P3H2: variants seen among roughly 807,000 people sequenced by gnomAD.
P3H2 encodes the protein prolyl 3-hydroxylase 2, also known as leprecan-like 1.
In P3H2, 80 loss-of-function variants were observed where a neutral mutation model predicts 87.0. The ratio of observed to expected loss-of-function variants is 0.92; its 90% CI spans 0.77 to 1.11. The LOEUF is 1.11. Ranked by LOEUF, P3H2 falls within the 50% of genes least tolerant of loss-of-function variation. P3H2 has a pLI of 0.00. For missense variants in P3H2, 1,001 were observed against 923.9 expected, an observed-to-expected ratio of 1.08 and a Z score of -1.08; for synonymous variants, 367 against 359.3, an observed-to-expected ratio of 1.02 and a Z score of -0.24.
chr3:190,016,714 T>C (rs530595296), intron 1 of P3H2, among the ~76,000 whole-genome samples: 2 of 152,340 alleles, frequency 1.3e-5, no homozygotes, highest in Admixed American at 1.3e-4. Context: ...ACTGAAAAGT[T>C]CTTAAGAGTC....
chr3:190,080,234 T>C (rs190897087), intron 1 of P3H2, among the ~76,000 whole-genome samples: 160 of 151,872 alleles, frequency 1.1e-3, no homozygotes, highest in African/African-American at 3.7e-3. Flanking sequence ...TTGATTGGAG[T>C]TGGATAACAA....
intron 1 of P3H2, among the ~76,000 whole-genome samples, chr3:190,014,108 T>C (rs1017291740): frequency 5.3e-5 from 8 of 152,216 alleles, no homozygotes; most frequent in Non-Finnish European, 1.2e-4. Flanking sequence ...TAGGGAATGA[T>C]TCATGAAGAA....
intron 1 of P3H2, among the ~76,000 whole-genome samples, chr3:190,107,277 T>C (rs1220426405): frequency 6.6e-6 from 1 of 152,226 alleles, no homozygotes; most frequent in East Asian, 1.9e-4. Flanking sequence ...TTATACCTAT[T>C]GAGGTAAAAA....
chr3:190,053,589 C>G (rs1057093239), intron 1 of P3H2, among the ~76,000 whole-genome samples: 1 of 151,782 alleles, frequency 6.6e-6, no homozygotes, highest in African/African-American at 2.4e-5. Flanking sequence ...TCCTTAGTAG[C>G]TGGGATTACA....
intron 1 of P3H2, among the ~76,000 whole-genome samples, chr3:190,049,393 T>C (rs1252048437): frequency 6.6e-6 from 1 of 152,128 alleles, no homozygotes; most frequent in Admixed American, 6.5e-5. Flanking sequence ...TGTACCACTT[T>C]CAAGAAATTG....
intron 8 of P3H2, among the ~76,000 whole-genome samples, chr3:189,977,554 A>ATAAGCTGC (rs1481186385): frequency 2.0e-5 from 3 of 152,206 alleles, no homozygotes; most frequent in African/African-American, 2.4e-5. Flanking sequence ...GGATATTTTC[A>ATAAGCTGC]TAAGCTGCTA....
chr3:190,007,965 C>CACACACATATATATATATAT lies in P3H2; in HGVS notation c.481-12524_481-12523insATATATATATATATGTGTGT. Among the ~76,000 whole-genome samples, 37 of 94,334 alleles carry CACACACATATATATATATAT rather than the reference C, an allele frequency of 3.9e-4. 1 individual carries two copies. In the South Asian group the frequency reaches 7.4e-3, roughly 19 times the overall value. The allele number at this position is 94,334 out of a possible 152,430, so 61.9% of individuals were successfully genotyped here. On this transcript the variant is annotated intron_variant, in intron 1 of 14. Transcript: ENST00000319332. ...GCCTGAGACTCTATTTGTTGACACA[C>CACACACATATATATATATAT]ATATATATATATATATATATAGTAA...
At chr3:189,990,888 G>A (rs895234933) in intron 3 of P3H2, among the ~76,000 whole-genome samples, 2 of 152,106 alleles carry the variant, frequency 1.3e-5, no homozygotes, top group Non-Finnish European at 2.9e-5. Flanking sequence ...TCCAGCTACC[G>A]ACATGCTGTG....
chr3:190,008,986 G>T (rs964413196), intron 1 of P3H2, among the ~76,000 whole-genome samples: 4 of 152,112 alleles, frequency 2.6e-5, no homozygotes, highest in Admixed American at 2.6e-4. Context: ...CTGAATAGAT[G>T]GATCTGAAAA....
chr3:190,105,501 CTAGTT>C (rs2108518823), intron 1 of P3H2, among the ~76,000 whole-genome samples: 1 of 152,142 alleles, frequency 6.6e-6, no homozygotes, highest in South Asian at 2.1e-4. Flanking sequence ...TGAACATTGC[CTAGTT>C]TATTCTGTCC....
chr3:190,074,560 A>T (rs1179975486), intron 1 of P3H2, among the ~76,000 whole-genome samples: 1 of 152,114 alleles, frequency 6.6e-6, no homozygotes, highest in African/African-American at 2.4e-5. Flanking sequence ...GTACAATTTC[A>T]CACCAAAAGC....
chr3:190,005,708 G>A (rs710574), intron 1 of P3H2, among the ~76,000 whole-genome samples: 118,311 of 152,148 alleles, frequency 0.78, 46,190 homozygotes, highest in East Asian at 0.93. Flanking sequence ...TACTTCAAAA[G>A]TTATTTCCAA....
At chr3:190,099,705 G>GA (rs1164296345) in intron 1 of P3H2, among the ~76,000 whole-genome samples, 6 of 152,238 alleles carry the variant, frequency 3.9e-5, no homozygotes, top group East Asian at 3.9e-4. Flanking sequence ...TTTATTCATA[G>GA]AAAAAAGATG....
At chr3:189,959,860 ATGTGTGTGTGTG>A (rs75204350) in intron 14 of P3H2, among the ~76,000 whole-genome samples, 25,276 of 134,488 alleles carry the variant, frequency 0.19, 2,350 homozygotes, top group Admixed American at 0.31. Context: ...TGGAGGAGAT[ATGTGTGTGTGTG>A]TGTGTGTGTG....
At chr3:190,042,004 T>TA (rs1312550525) in intron 1 of P3H2, among the ~76,000 whole-genome samples, 1 of 152,256 alleles carries the variant, frequency 6.6e-6, no homozygotes. Flanking sequence ...TTCTTTATTC[T>TA]TAATGATTAA....
chr3:189,986,806 C>A lies in P3H2; in HGVS notation c.1170G>T (p.Gly390=), dbSNP rs767283538. Residue 390 remains glycine (G), a synonymous_variant, in exon 6 of 15, where the codon GGG becomes GGT. Transcript: ENST00000319332. ...CTCTTACCGGTTCAGTGTATGAAAA[C>A]CCCAGACCTTCTGCAGCTGATTTTA... The part of the protein sequence containing the change: ...ELIKSAAEGL[G]FSYTEPNYWI... 3 of 1,610,060 alleles carry A rather than the reference C, an allele frequency of 1.9e-6. No individual in the cohort carries two copies. Among genetic ancestry groups the A allele is most frequent in the South Asian group, 1.1e-5 (1 of 91,000 alleles).
At chr3:190,045,776 G>GA (rs368984204) in intron 1 of P3H2, among the ~76,000 whole-genome samples, 91,052 of 149,028 alleles carry the variant, frequency 0.61, 28,579 homozygotes, top group Admixed American at 0.72. Context: ...CGTCTTTCCT[G>GA]AAAAAAAAAA....
At position 189,988,962 on chromosome 3, in the gene P3H2, G is replaced by A. The variant is rs1408042717; in HGVS notation, c.900C>T (p.Pro300=). ...ELATRPGRLS[P]IENFLPLHYD... ...AGTGCAGAGGAAGAAAATTCTCGATGGGAGAGAGGCGGCCAGGGCGGGTGG... is the reference window on the plus strand; with the variant it reads ...AGTGCAGAGGAAGAAAATTCTCGATAGGAGAGAGGCGGCCAGGGCGGGTGG... Residue 300 remains proline, a synonymous_variant, in exon 4 of 15, where the codon CCC becomes CCT. Coordinates refer to ENST00000319332, the MANE Select transcript of P3H2 (RefSeq NM_018192.4). 7 of 1,614,092 alleles carry A rather than the reference G, an allele frequency of 4.3e-6. No individual in the cohort carries two copies. Among genetic ancestry groups the A allele is most frequent in the Non-Finnish European group, 5.9e-6 (7 of 1,180,010 alleles).
intron 1 of P3H2, among the ~76,000 whole-genome samples, chr3:190,069,604 C>T (rs1041064314): frequency 1.1e-4 from 17 of 152,094 alleles, no homozygotes; most frequent in Admixed American, 2.6e-4. Context: ...TCCTTAGCAA[C>T]CAAGATGCTG....
Sources: allele counts gnomAD v4.1 joint callset (sites outside exome capture counted in the v4.1 genomes callset), GRCh38; gene constraint gnomAD v4.1.1; transcripts MANE v1.5; gene names NCBI Gene and HGNC (gene_info 2026-07-23, HGNC 2026-07-21).